Variants in CHD1L observed in about 807,000 individuals in gnomAD.
The protein encoded by CHD1L is chromodomain helicase DNA binding protein 1 like, also known as ATP-dependent chromatin remodeler CHD1L.
In CHD1L, 118 loss-of-function variants were observed where a neutral mutation model predicts 115.9. The ratio of observed to expected loss-of-function variants is 1.02; its 90% CI spans 0.88 to 1.19. CHD1L has a LOEUF of 1.19. CHD1L is among the 50% of genes most tolerant of loss of function. The pLI, the probability that CHD1L is intolerant of heterozygous loss-of-function variation, is 0.00. For synonymous variants in CHD1L, 411 were observed against 387.1 expected, an observed-to-expected ratio of 1.06 and a Z score of -0.72; for missense variants, 1,179 against 1,065.3, an observed-to-expected ratio of 1.11 and a Z score of -1.49.
At position 147,255,419 on chromosome 1, in the gene CHD1L, G is replaced by C. The variant is rs587622894; in HGVS notation, c.348-394G>C. Among the ~76,000 whole-genome samples, 189 of 152,188 alleles carry C rather than the reference G, an allele frequency of 1.2e-3. 2 individuals carry two copies. Among genetic ancestry groups the C allele is most frequent in the Non-Finnish European group, 2.2e-3 (153 of 68,012 alleles). ...ATTTTGTATTTTTAGTAGAGACCGGGTTTCTCCATGTTGGTCAGGCTGGTC... is the reference window on the plus strand; with the variant it reads ...ATTTTGTATTTTTAGTAGAGACCGGCTTTCTCCATGTTGGTCAGGCTGGTC... On this transcript the variant is annotated intron_variant, in intron 3 of 22. Coordinates refer to ENST00000369258, the MANE Select transcript of CHD1L (RefSeq NM_004284.6).
Position 147,295,442 on chromosome 1 carries a change from C to T in CHD1L, c.2627C>T (p.Pro876Leu), listed in dbSNP as rs1553976151. ...RGIPTYIYYFPRSKSAVLHSQ... is the reference protein window; with the variant it reads ...RGIPTYIYYFLRSKSAVLHSQ... ...ACCATCCTTATCAGATATTATTTTC[C>T]TAGAAGCAAGTCTGCTGTCCTTCAT... The change falls in exon 23 of 23, where the codon CCT becomes CTT. Residue 876 changes from proline to leucine, a missense_variant. By Grantham distance (98) the Pro-to-Leu change is moderately conservative (BLOSUM62 -3). Coordinates refer to ENST00000369258, the MANE Select transcript of CHD1L (RefSeq NM_004284.6). 3 of 1,609,328 alleles carry T rather than the reference C, an allele frequency of 1.9e-6. No homozygotes were observed. The highest frequency in any genetic ancestry group is 1.1e-5 in the South Asian group (1 of 90,824).
intron 19 of CHD1L, among the ~76,000 whole-genome samples, chr1:147,288,549 C>G (rs1310316208): frequency 6.6e-6 from 1 of 151,138 alleles, no homozygotes; most frequent in African/African-American, 2.4e-5. Flanking sequence ...GGCATGGTGG[C>G]ACATGCCTGT....
At chr1:147,236,846 G>A in the CHD1L span, among the ~76,000 whole-genome samples, 2 of 152,338 alleles carry the variant, frequency 1.3e-5, no homozygotes, top group East Asian at 1.9e-4. Flanking sequence ...TAGGCACCCA[G>A]ATAAAACACA....
chr1:147,286,700 C>T (rs1009057480), intron 18 of CHD1L, among the ~76,000 whole-genome samples, 200 bp downstream of exon 18: 1 of 152,160 alleles, frequency 6.6e-6, no homozygotes, highest in Non-Finnish European at 1.5e-5. Context: ...GTTACCCAAC[C>T]TTTCAACTTC....
chr1:147,270,785 C>T, intron 10 of CHD1L, 147 bp from the exon 11 acceptor site: 2 of 641,208 alleles, frequency 3.1e-6, no homozygotes, highest in Non-Finnish European at 5.4e-6. Flanking sequence ...TTTGGAGGTT[C>T]TGAGGCAGTC....
the CHD1L span, among the ~76,000 whole-genome samples, chr1:147,233,358 C>T: frequency 2.0e-4 from 30 of 151,082 alleles, no homozygotes; most frequent in East Asian, 4.2e-3. Context: ...CCAGCCGCCC[C>T]GTCCGGGAGG....
At chr1:147,224,990 T>G in the CHD1L span, 1 of 1,613,890 alleles carries the variant, frequency 6.2e-7, no homozygotes, top group African/African-American at 1.3e-5. Context: ...GAGAGCCCGC[T>G]CACTCCTCCC....
chr1:147,287,751 G>GT lies in CHD1L; in HGVS notation c.2320+18_2320+19insT, dbSNP rs781800801. 1 of 1,606,676 alleles carries GT rather than the reference G, an allele frequency of 6.2e-7. No homozygotes were observed. The highest frequency in any genetic ancestry group is 8.5e-7 in the Non-Finnish European group (1 of 1,174,444). On this transcript the variant is annotated intron_variant, in intron 19 of 22. Coordinates refer to ENST00000369258, the MANE Select transcript of CHD1L (RefSeq NM_004284.6). ...AATGAAAGGTAAGAAGCAAAGCAGA[G>GT]GGAAAGGTTAAGGGTGGAATAAGAG... is the stretch of plus-strand genomic sequence containing the variant.
At chr1:147,206,070 GA>G in the CHD1L span, among the ~76,000 whole-genome samples, 1 of 150,682 alleles carries the variant, frequency 6.6e-6, no homozygotes, top group African/African-American at 2.5e-5. Flanking sequence ...AAATTTACAA[GA>G]AAAAAACAAA....
the CHD1L span, chr1:147,186,411 G>T: frequency 1.1e-6 from 1 of 904,720 alleles, no homozygotes; most frequent in Non-Finnish European, 1.3e-6. Context: ...TACAACTATT[G>T]TAGGAACATT....
intron 20 of CHD1L, 71 bp downstream of exon 20, chr1:147,291,623 C>T (rs1473074200): frequency 2.5e-6 from 3 of 1,201,168 alleles, no homozygotes; most frequent in Non-Finnish European, 3.7e-6. Flanking sequence ...TGTCCCCTGC[C>T]CCAATTGGCC....
chr1:147,288,339 AAAAAAAAG>A (rs1684167011), intron 19 of CHD1L, among the ~76,000 whole-genome samples: 1 of 26,892 alleles, frequency 3.7e-5, no homozygotes, highest in African/African-American at 1.2e-4. Context: ...AAAAAAAAAA[AAAAAAAAG>A]AAAAAGAGAA....
chr1:147,202,445 G>A, the CHD1L span, among the ~76,000 whole-genome samples: 1 of 150,134 alleles, frequency 6.7e-6, no homozygotes. Flanking sequence ...TCAGCCTCCC[G>A]AGTAGCTTGG....
In CHD1L at chr1:147,293,687, TGAA is replaced by T. The variant is rs782134539; in HGVS notation, c.2477_2479del (p.Lys826del). 42 of 1,613,882 alleles carry T rather than the reference TGAA, an allele frequency of 2.6e-5. No homozygotes were observed. In the South Asian group the frequency reaches 3.2e-4, roughly 12 times the overall value. On this transcript the variant is annotated inframe_deletion, in exon 21 of 23. Coordinates refer to ENST00000369258, the MANE Select transcript of CHD1L (RefSeq NM_004284.6). Reference sequence around the variant, plus strand: ...AAGATGGCAGCCCTAGAAGAGGGCCTGAAGAAGATATTTTTAGCAGCAAAAAAG... The same window carrying T: ...AAGATGGCAGCCCTAGAAGAGGGCCTGAAGATATTTTTAGCAGCAAAAAAG...
chr1:147,234,901 T>C, the CHD1L span, among the ~76,000 whole-genome samples: 5 of 152,270 alleles, frequency 3.3e-5, no homozygotes, highest in South Asian at 4.1e-4. Flanking sequence ...CTAGGGTAAA[T>C]CACATCCACT....
At chr1:147,238,363 G>C (rs1553930196), upstream of CHD1L, among the ~76,000 whole-genome samples, 1 of 152,220 alleles carries the variant, frequency 6.6e-6, no homozygotes, top group Non-Finnish European at 1.5e-5. Flanking sequence ...TTACCTAACA[G>C]AGCAAGGATA....
At chr1:147,213,345 A>G in the CHD1L span, 2 of 1,612,782 alleles carry the variant, frequency 1.2e-6, no homozygotes, top group Non-Finnish European at 1.7e-6. Flanking sequence ...CATTGGTGTG[A>G]TGGCCAGTGC....
chr1:147,284,085 A>AG (rs1682053442), intron 15 of CHD1L, among the ~76,000 whole-genome samples: 3 of 152,228 alleles, frequency 2.0e-5, no homozygotes, highest in African/African-American at 4.8e-5. Context: ...GGAAGAATCC[A>AG]GCAGAGATTC....
chr1:147,203,114 C>CTTTTT, the CHD1L span, among the ~76,000 whole-genome samples: 5,432 of 147,760 alleles, frequency 0.037, 142 homozygotes, highest in South Asian at 0.095. Context: ...CAAAGGTTTC[C>CTTTTT]TTTTTTTTTT....
Sources: gnomAD v4.1 joint callset for allele counts (sites outside exome capture counted in the v4.1 genomes callset) on GRCh38, gnomAD v4.1.1 for gene constraint, MANE v1.5 for transcripts, NCBI Gene and HGNC (gene_info 2026-07-23, HGNC 2026-07-21) for gene names.